Variants in NETO1 observed in about 807,000 individuals in gnomAD.
NETO1 encodes the protein neuropilin and tolloid-like protein 1.
A neutral mutation model predicts 61.3 loss-of-function variants in NETO1; 26 were observed. The ratio of observed to expected loss-of-function variants is 0.42; its 90% CI spans 0.31 to 0.59. The LOEUF (loss-of-function observed/expected upper bound fraction) is 0.59. NETO1 is among the 20% of genes least tolerant of loss of function. The pLI is 0.12. For synonymous variants in NETO1, 225 were observed against 225.8 expected, an observed-to-expected ratio of 1.00 and a Z score of 0.03; for missense variants, 531 against 662.8, an observed-to-expected ratio of 0.80 and a Z score of 2.18.
At chr18:72,761,837 G>A (rs1337391899) in intron 7 of NETO1, among the ~76,000 whole-genome samples, 1 of 151,962 alleles carries the variant, frequency 6.6e-6, no homozygotes, top group East Asian at 1.9e-4. Context: ...AAATTCTTTG[G>A]AAACAAAATT....
intron 4 of NETO1, among the ~76,000 whole-genome samples, chr18:72,858,483 A>G (rs1230115214): frequency 2.0e-5 from 3 of 152,124 alleles, no homozygotes; most frequent in African/African-American, 2.4e-5. Context: ...TAATACTACA[A>G]TTGTCTTTTC....
intron 3 of NETO1, among the ~76,000 whole-genome samples, chr18:72,864,065 A>G (rs2074661208): frequency 6.6e-6 from 1 of 152,090 alleles, no homozygotes; most frequent in African/African-American, 2.4e-5. Context: ...CCAAAAATAC[A>G]AAAATTAGCC....
intron 7 of NETO1, among the ~76,000 whole-genome samples, chr18:72,758,385 T>TTG (rs71166416): frequency 0.25 from 36,252 of 142,740 alleles, 5,007 homozygotes; most frequent in East Asian, 0.51. Context: ...TTTTTTTTCT[T>TTG]TGTGTGTGTG....
chr18:72,764,423 T>C (rs565557001), intron 7 of NETO1, among the ~76,000 whole-genome samples: 4 of 152,178 alleles, frequency 2.6e-5, no homozygotes, highest in Non-Finnish European at 4.4e-5. Flanking sequence ...TTATTACTAA[T>C]GTTTATCAGT....
chr18:72,809,345 C>G (rs1423229695), intron 4 of NETO1, among the ~76,000 whole-genome samples: 1 of 151,958 alleles, frequency 6.6e-6, no homozygotes, highest in Non-Finnish European at 1.5e-5. Flanking sequence ...CTTAAAAAGC[C>G]ACCGACGAGG....
chr18:72,800,946 G>C (rs1323217082), intron 4 of NETO1, among the ~76,000 whole-genome samples: 2 of 152,170 alleles, frequency 1.3e-5, no homozygotes, highest in African/African-American at 4.8e-5. Context: ...CTCTATTAGA[G>C]AGCAGCCTCA....
chr18:72,774,597 T>C (rs971893866), intron 7 of NETO1, among the ~76,000 whole-genome samples: 2 of 152,216 alleles, frequency 1.3e-5, no homozygotes, highest in East Asian at 1.9e-4. Context: ...AATTATCCAA[T>C]GTATGGCATA....
intron 6 of NETO1, among the ~76,000 whole-genome samples, chr18:72,792,776 C>T (rs918839366): frequency 6.6e-6 from 1 of 151,980 alleles, no homozygotes; most frequent in South Asian, 2.1e-4. Context: ...GCAATCAACA[C>T]CACCTCTCAA....
At chr18:72,786,977 C>T (rs1457906312) in intron 6 of NETO1, among the ~76,000 whole-genome samples, 1 of 151,060 alleles carries the variant, frequency 6.6e-6, no homozygotes. Context: ...GCTCCAGGAT[C>T]ATAAGTGAAT....
intron 1 of NETO1, 198 bp from the exon 2 acceptor site, chr18:72,865,439 T>C (rs1413547393): frequency 5.1e-6 from 6 of 1,182,840 alleles, no homozygotes; most frequent in South Asian, 2.9e-5. Context: ...CTTAAGGAAC[T>C]AATGCAAGTT....
At chr18:72,787,930 T>A in intron 6 of NETO1, among the ~76,000 whole-genome samples, 1 of 152,124 alleles carries the variant, frequency 6.6e-6, no homozygotes. Context: ...CTTCTTCTAA[T>A]GAGCTAGAAA....
intron 6 of NETO1, 93 bp downstream of exon 6, chr18:72,794,024 T>G: frequency 2.0e-6 from 3 of 1,488,286 alleles, no homozygotes; most frequent in Non-Finnish European, 2.8e-6. Context: ...CACTCTGAAA[T>G]GTATTAGACA....
chr18:72,742,847 A>T (rs181371190), downstream of NETO1: 39 of 152,330 alleles, frequency 2.6e-4, no homozygotes, highest in Admixed American at 2.0e-3. Flanking sequence ...AATTACATGT[A>T]AAACACTCAA....
At chr18:72,766,085 T>C (rs12958184) in intron 7 of NETO1, among the ~76,000 whole-genome samples, 45,370 of 151,736 alleles carry the variant, frequency 0.3, 7,966 homozygotes, top group South Asian at 0.41. Flanking sequence ...TGCATGTCTG[T>C]AATCCCTCTA....
chr18:72,835,903 G>A (rs575110049), intron 4 of NETO1, among the ~76,000 whole-genome samples: 2 of 152,230 alleles, frequency 1.3e-5, no homozygotes, highest in East Asian at 1.9e-4. Context: ...AAATAAATAC[G>A]TAAAGAGATA....
chr18:72,762,444 T>C (rs2071008562), intron 7 of NETO1, among the ~76,000 whole-genome samples: 1 of 152,204 alleles, frequency 6.6e-6, no homozygotes, highest in Non-Finnish European at 1.5e-5. Flanking sequence ...TTTACTGAAA[T>C]TATATTTACC....
At chr18:72,794,507 A>G in intron 4 of NETO1, 103 bp from the exon 5 acceptor site, 2 of 1,129,678 alleles carry the variant, frequency 1.8e-6, no homozygotes, top group South Asian at 1.5e-5. Context: ...ACCTTAAAAA[A>G]CACATTAGGG....
rs2074490569 is a variant in NETO1 at position 72,859,058 on chromosome 18, G to A, written c.237C>T (p.Cys79=). The A allele has an allele frequency of 3.7e-6, 6 of 1,612,734 alleles. No homozygotes were observed. In the South Asian group the frequency reaches 6.6e-5, roughly 18 times the overall value. ...IYIIEAAPRQ[C]IELYFDEKYS... ...ACTTTTCATCAAAGTAAAGTTCAAT[G>A]CACTGTCTTGGAGCGGCTGTAAAGA... The change falls in exon 4 of 11, where the codon TGC becomes TGT. Residue 79 remains cysteine, a synonymous_variant. Coordinates refer to ENST00000327305, the MANE Select transcript of NETO1 (RefSeq NM_138966.5).
At chr18:72,799,180 A>C (rs2072419606) in intron 4 of NETO1, among the ~76,000 whole-genome samples, 1 of 152,228 alleles carries the variant, frequency 6.6e-6, no homozygotes, top group South Asian at 2.1e-4. Context: ...GAGAGGCTGC[A>C]GTTCAAAACA....
Sources: allele counts gnomAD v4.1 joint callset (sites outside exome capture counted in the v4.1 genomes callset), GRCh38; gene constraint gnomAD v4.1.1; transcripts MANE v1.5; gene names NCBI Gene and HGNC (gene_info 2026-07-23, HGNC 2026-07-21).